The following FRMD6 variants were observed in gnomAD, a reference collection of about 807,000 sequenced individuals.
FRMD6 encodes FERM domain-containing protein 6.
Under a neutral mutation model 73.2 loss-of-function variants are expected in FRMD6, and 37 were observed. The ratio of observed to expected loss-of-function variants is 0.51; its 90% CI spans 0.39 to 0.66. The LOEUF (loss-of-function observed/expected upper bound fraction) is 0.66, where lower values mean the gene tolerates loss of function less well. FRMD6 is among the 30% of genes least tolerant of loss of function. The pLI is 0.00. For missense variants in FRMD6, 714 were observed against 780.5 expected (o/e 0.91, Z 1.02); for synonymous variants, 273 against 282.2 (o/e 0.97, Z 0.33).
the FRMD6 span, among the ~76,000 whole-genome samples, chr14:51,397,523 G>C: frequency 6.6e-6 from 1 of 152,192 alleles, no homozygotes; most frequent in Admixed American, 6.5e-5. Context: ...TGATTTGTGG[G>C]AGAGAAAAAC....
At chr14:51,526,140 T>A (rs17124101) in intron 1 of FRMD6, among the ~76,000 whole-genome samples, 3 of 152,100 alleles carry the variant, frequency 2.0e-5, no homozygotes, top group African/African-American at 7.2e-5. Context: ...TGATAGGGAC[T>A]ATGCTCTGTA....
chr14:51,620,572 C>G (rs1016966129), intron 2 of FRMD6, among the ~76,000 whole-genome samples: 6 of 152,104 alleles, frequency 3.9e-5, no homozygotes, highest in Admixed American at 2.6e-4. Context: ...GGGCCCATTA[C>G]GACAGTGCTT....
chr14:51,704,816 C>G lies in FRMD6; in HGVS notation c.439C>G (p.Leu147Val), dbSNP rs1364708068. ...ACAAGTTCTTCATTCTCAGTGTGTGCTCCGAGAGGAGGCCTACTTCCTGCT... is the reference window on the plus strand; with the variant it reads ...ACAAGTTCTTCATTCTCAGTGTGTGGTCCGAGAGGAGGCCTACTTCCTGCT... ...RKQVLHSQCV[L>V]REEAYFLLAA... Residue 147 changes from leucine to valine, a missense_variant, in exon 6 of 14, where the codon CTC becomes GTC. By Grantham distance (32) the Leu-to-Val change is conservative. Coordinates refer to ENST00000344768, the MANE Select transcript of FRMD6 (RefSeq NM_001267046.2). 6.2e-7 allele frequency: 1 copy of G among 1,613,252 alleles called. No individual in the cohort carries two copies. The highest frequency in any genetic ancestry group is 1.3e-5 in the African/African-American group (1 of 74,864).
At chr14:51,489,620 G>T (rs1882878935) in intron 1 of FRMD6, among the ~76,000 whole-genome samples, 1 of 152,184 alleles carries the variant, frequency 6.6e-6, no homozygotes, top group Non-Finnish European at 1.5e-5. Context: ...ATTCTTTAGG[G>T]AAGGGGGTAC....
upstream of FRMD6, among the ~76,000 whole-genome samples, chr14:51,485,690 G>A (rs11852062): frequency 0.55 from 83,531 of 152,044 alleles, 23,183 homozygotes; most frequent in East Asian, 0.72. Context: ...TCGTAGTCAC[G>A]CCATCCTTTG....
At chr14:51,656,417 CT>C (rs1441277198) in intron 1 of FRMD6, among the ~76,000 whole-genome samples, 3 of 147,306 alleles carry the variant, frequency 2.0e-5, no homozygotes, top group South Asian at 2.1e-4. Flanking sequence ...ATTTTCTTTT[CT>C]TTTTTTTTTT....
intron 1 of FRMD6, among the ~76,000 whole-genome samples, chr14:51,652,768 C>T (rs1456634009): frequency 6.6e-6 from 1 of 152,218 alleles, no homozygotes; most frequent in Non-Finnish European, 1.5e-5. Flanking sequence ...GGATTCGGCT[C>T]CGGGAGGGCC....
At chr14:51,500,390 G>T (rs1883544275) in intron 1 of FRMD6, among the ~76,000 whole-genome samples, 1 of 152,110 alleles carries the variant, frequency 6.6e-6, no homozygotes, top group African/African-American at 2.4e-5. Flanking sequence ...AGCCAGGCGT[G>T]GTGGCACGCG....
At chr14:51,482,380 C>T in the FRMD6 span, among the ~76,000 whole-genome samples, 8 of 152,186 alleles carry the variant, frequency 5.3e-5, no homozygotes, top group African/African-American at 1.7e-4. Flanking sequence ...CAGTCTCCAG[C>T]GCCAATGAAG....
chr14:51,519,315 C>T (rs1459198524), intron 1 of FRMD6, among the ~76,000 whole-genome samples: 2 of 151,956 alleles, frequency 1.3e-5, no homozygotes, highest in East Asian at 1.9e-4. Flanking sequence ...CAGGCAGGTG[C>T]CACCATACCC....
intron 1 of FRMD6, among the ~76,000 whole-genome samples, chr14:51,539,543 T>C (rs1165421006): frequency 6.6e-6 from 1 of 152,084 alleles, no homozygotes; most frequent in African/African-American, 2.4e-5. Flanking sequence ...ACAAAGAACT[T>C]TGGGCAGGTT....
At chr14:51,675,202 C>T (rs760086364) in intron 1 of FRMD6, among the ~76,000 whole-genome samples, 20 of 151,974 alleles carry the variant, frequency 1.3e-4, no homozygotes, top group Non-Finnish European at 2.9e-4. Flanking sequence ...CAGAGGCCGG[C>T]TTCTGATTGA....
chr14:51,418,382 G>C, the FRMD6 span, among the ~76,000 whole-genome samples: 1,969 of 152,216 alleles, frequency 0.013, 40 homozygotes, highest in African/African-American at 0.045. Flanking sequence ...GTTCCTTTCC[G>C]TTTGTTAGTT....
rs1256772649 is a variant in FRMD6 at position 51,722,097 on chromosome 14, A to G, written c.1492+17A>G. The stretch of plus-strand genomic sequence containing the variant: ...GACACTCTGGTGAGCTCTTACGGGA[A>G]GTTATTCTTCCTTGGTAGCAGGTTA... On this transcript the variant is annotated intron_variant, in intron 12 of 13. Coordinates refer to ENST00000344768, the MANE Select transcript of FRMD6 (RefSeq NM_001267046.2). The G allele has an allele frequency of 1.5e-5, 25 of 1,613,036 alleles. No homozygotes were observed. Among genetic ancestry groups the G allele is most frequent in the Non-Finnish European group, 1.9e-5 (22 of 1,179,422 alleles).
chr14:51,721,652 AAGG>A (rs1464000705), intron 11 of FRMD6, among the ~76,000 whole-genome samples: 2 of 148,276 alleles, frequency 1.3e-5, no homozygotes, highest in Non-Finnish European at 1.5e-5. Context: ...GGAGGGAAGG[AAGG>A]AAGGAAGGAA....
At chr14:51,502,001 T>C (rs1883648583) in intron 1 of FRMD6, among the ~76,000 whole-genome samples, 1 of 152,236 alleles carries the variant, frequency 6.6e-6, no homozygotes, top group Non-Finnish European at 1.5e-5. Context: ...ATTCATATAC[T>C]TGTTGGCCAC....
intron 1 of FRMD6, among the ~76,000 whole-genome samples, chr14:51,564,573 T>C (rs1887673555): frequency 6.6e-6 from 1 of 152,274 alleles, no homozygotes; most frequent in South Asian, 2.1e-4. Flanking sequence ...AGAGAGATTA[T>C]GGACAGCAGC....
rs770705796 is a variant in FRMD6 at position 51,599,439 on chromosome 14, A to G, written c.-147+29029A>G. Among the ~76,000 whole-genome samples, 17 of 152,294 alleles carry G rather than the reference A, an allele frequency of 1.1e-4. No homozygotes were observed. In the South Asian group the frequency reaches 2.9e-3, roughly 26 times the overall value. On this transcript the variant is annotated intron_variant, in intron 2 of 14. Coordinates refer to the FRMD6 transcript ENST00000356218. ...TTCTGGGCATTGACCTTGGGAAAGA[A>G]TTTATGACTAAGTTCTCAAAAGCAA...
intron 2 of FRMD6, among the ~76,000 whole-genome samples, chr14:51,636,709 G>C (rs1229949869): frequency 3.3e-5 from 5 of 152,182 alleles, no homozygotes; most frequent in African/African-American, 1.2e-4. Context: ...CCCCTTAAAG[G>C]TCTTCGTTGT....
Sources: allele counts gnomAD v4.1 joint callset (sites outside exome capture counted in the v4.1 genomes callset), GRCh38; gene constraint gnomAD v4.1.1; transcripts MANE v1.5; gene names NCBI Gene and HGNC (gene_info 2026-07-23, HGNC 2026-07-21).